Variants in NRIP1 observed in about 807,000 individuals in gnomAD.
NRIP1 encodes nuclear receptor-interacting protein 1.
Under a neutral mutation model 75.0 loss-of-function variants are expected in NRIP1, and 28 were observed. The observed-to-expected ratio is 0.37, with a 90% CI of 0.28 to 0.51. The LOEUF is 0.51. Ranked by LOEUF, NRIP1 falls within the 20% of genes least tolerant of loss-of-function variation. NRIP1 has a pLI of 0.92. For synonymous variants in NRIP1, 526 were observed against 487.6 expected (o/e 1.08, Z -1.04); for missense variants, 1,435 against 1,343.7 (o/e 1.07, Z -1.06).
intron 3 of NRIP1, among the ~76,000 whole-genome samples, chr21:15,011,433 C>A (rs2147160717): frequency 6.6e-6 from 1 of 152,300 alleles, no homozygotes; most frequent in East Asian, 1.9e-4. Context: ...TCGTGATCCG[C>A]CCGCCTCGGC....
chr21:15,019,172 T>C (rs1055402177), intron 2 of NRIP1, among the ~76,000 whole-genome samples: 8 of 148,596 alleles, frequency 5.4e-5, no homozygotes, highest in African/African-American at 2.0e-4. Flanking sequence ...TATTAATTGT[T>C]TCAGTGTTAA....
intron 2 of NRIP1, among the ~76,000 whole-genome samples, chr21:15,032,752 T>C (rs1328639241): frequency 6.6e-6 from 1 of 152,112 alleles, no homozygotes; most frequent in Non-Finnish European, 1.5e-5. Context: ...TCACACTACA[T>C]TCAGGAAATG....
Position 14,963,102 on chromosome 21 carries a change from TTAAAG to T in NRIP1, c.*1609_*1613del, listed in dbSNP as rs751816269. 4 of 152,228 alleles carry T rather than the reference TTAAAG, an allele frequency of 2.6e-5. No individual in the cohort carries two copies. Among genetic ancestry groups the T allele is most frequent in the Non-Finnish European group, 4.4e-5 (3 of 67,920 alleles). 9.4% of individuals were successfully genotyped at this position (152,228 alleles called of 1,614,324 possible). ...TCAACATGTACTTTTCATCACTACT[TTAAAG>T]TAAAAGATCCAATGGAGTGATTGTG... On this transcript the variant is annotated 3_prime_UTR_variant, in exon 4 of 4. Coordinates refer to ENST00000318948, the MANE Select transcript of NRIP1 (RefSeq NM_003489.4).
At chr21:14,988,767 A>G (rs946385308) in intron 3 of NRIP1, among the ~76,000 whole-genome samples, 5 of 152,180 alleles carry the variant, frequency 3.3e-5, no homozygotes, top group Non-Finnish European at 7.3e-5. Flanking sequence ...TAATGGACCA[A>G]TCATTTCCTC....
chr21:15,008,984 T>A (rs1299488337), intron 3 of NRIP1, among the ~76,000 whole-genome samples: 1 of 152,228 alleles, frequency 6.6e-6, no homozygotes, highest in Non-Finnish European at 1.5e-5. Context: ...GATATGAATC[T>A]CATAAATAAA....
chr21:14,997,601 C>T (rs115321311), intron 3 of NRIP1, among the ~76,000 whole-genome samples: 2,038 of 151,634 alleles, frequency 0.013, 44 homozygotes, highest in African/African-American at 0.045. Context: ...TAAAAAAATA[C>T]GTCAGTAGAA....
intron 3 of NRIP1, among the ~76,000 whole-genome samples, chr21:14,988,343 C>T (rs1009182371): frequency 1.3e-5 from 2 of 152,066 alleles, no homozygotes; most frequent in African/African-American, 4.8e-5. Flanking sequence ...GCCCAGAGAA[C>T]TTTCTCAAAC....
intron 2 of NRIP1, among the ~76,000 whole-genome samples, chr21:15,031,723 A>G (rs865975869): frequency 2.0e-5 from 2 of 100,090 alleles, no homozygotes; most frequent in Non-Finnish European, 4.2e-5. Flanking sequence ...TTCTATGTGT[A>G]TACACTCTGG....
chr21:15,042,129 C>A (rs1396308613), intron 2 of NRIP1, among the ~76,000 whole-genome samples: 2 of 152,026 alleles, frequency 1.3e-5, no homozygotes, highest in Admixed American at 6.6e-5. Flanking sequence ...TTAAGAAAAT[C>A]GGTAAAAACC....
intron 1 of NRIP1, among the ~76,000 whole-genome samples, chr21:15,061,220 T>TA (rs2147428462): frequency 6.6e-6 from 1 of 152,320 alleles, no homozygotes; most frequent in South Asian, 2.1e-4. Flanking sequence ...GACATGGGTA[T>TA]ACAGGACTTT....
At chr21:14,987,299 G>A (rs1026678683) in intron 3 of NRIP1, among the ~76,000 whole-genome samples, 17 of 152,158 alleles carry the variant, frequency 1.1e-4, no homozygotes, top group South Asian at 4.1e-4. Flanking sequence ...CCACAGAGTC[G>A]CTGCTCAGTA....
At chr21:15,062,335 T>C (rs539942538) in intron 1 of NRIP1, among the ~76,000 whole-genome samples, 2 of 152,370 alleles carry the variant, frequency 1.3e-5, no homozygotes, top group South Asian at 4.1e-4. Flanking sequence ...TCTTAACTTC[T>C]GAATTTCCAG....
Position 14,965,636 on chromosome 21 carries a change from A to G in NRIP1, c.2557T>C (p.Cys853Arg), listed in dbSNP as rs774613316. 1 of 1,613,320 alleles carries G rather than the reference A, an allele frequency of 6.2e-7. No homozygotes were observed. The highest frequency in any genetic ancestry group is 8.5e-7 in the Non-Finnish European group (1 of 1,179,904). The change falls in exon 4 of 4, where the codon TGC (cysteine) becomes CGC (arginine). Residue 853 changes from cysteine to arginine, a missense_variant. By Grantham distance (180) the Cys-to-Arg change is radical. Coordinates refer to ENST00000318948, the MANE Select transcript of NRIP1 (RefSeq NM_003489.4). ...AGCTTCCTTTTCTTAGGGACCATGC[A>G]AAGATTCTTTGATTCTAGAAGTGCC... ...EMALLESKNL[C>R]MVPKKRKLYT... is the part of the protein sequence containing the mutation.
chr21:15,056,801 T>C (rs2089318109), intron 1 of NRIP1, among the ~76,000 whole-genome samples: 1 of 152,206 alleles, frequency 6.6e-6, no homozygotes, highest in African/African-American at 2.4e-5. Flanking sequence ...TCAATTTGAC[T>C]ATACCTTTCA....
chr21:15,052,067 T>C (rs889142120), intron 1 of NRIP1: 1 of 152,214 alleles, frequency 6.6e-6, no homozygotes, highest in Non-Finnish European at 1.5e-5. Context: ...CAAAAAATCA[T>C]AAGGGACATC....
chr21:15,029,490 A>AC (rs2088594735), intron 2 of NRIP1, among the ~76,000 whole-genome samples: 1 of 152,088 alleles, frequency 6.6e-6, no homozygotes, highest in Non-Finnish European at 1.5e-5. Context: ...TCTTTGCTTC[A>AC]ATTTTTATTT....
intron 3 of NRIP1, among the ~76,000 whole-genome samples, chr21:15,001,949 T>C (rs1385375900): frequency 2.0e-5 from 3 of 152,194 alleles, no homozygotes; most frequent in Admixed American, 6.5e-5. Flanking sequence ...CAGGGTTTCA[T>C]TATCAATCAG....
At chr21:14,983,495 C>T (rs2087303952) in intron 3 of NRIP1, among the ~76,000 whole-genome samples, 1 of 152,170 alleles carries the variant, frequency 6.6e-6, no homozygotes, top group Non-Finnish European at 1.5e-5. Context: ...GCAGCAAATG[C>T]TGACAGAAAA....
At chr21:15,043,274 AAAACTGGTTTACTCT>A (rs1275108169) in intron 2 of NRIP1, among the ~76,000 whole-genome samples, 3 of 152,254 alleles carry the variant, frequency 2.0e-5, no homozygotes, top group East Asian at 3.8e-4. Flanking sequence ...TAAAATAGGT[AAAACTGGTTTACTCT>A]AAACCAGACG....
Sources: allele counts gnomAD v4.1 joint callset (sites outside exome capture counted in the v4.1 genomes callset), GRCh38; gene constraint gnomAD v4.1.1; transcripts MANE v1.5; gene names NCBI Gene and HGNC (gene_info 2026-07-23, HGNC 2026-07-21).